The following RELA variants were observed in gnomAD, a reference collection of about 807,000 sequenced individuals.
RELA encodes the protein transcription factor p65.
RELA carries 14 observed loss-of-function variants against 56.7 expected under a neutral mutation model. The ratio of observed to expected loss-of-function variants is 0.25; its 90% CI spans 0.16 to 0.39. The LOEUF (loss-of-function observed/expected upper bound fraction) is 0.39, where lower values mean the gene tolerates loss of function less well. Among genes scored for constraint, RELA ranks in the 10% least tolerant of loss-of-function variants. The pLI is 1.00. For missense variants in RELA, 559 were observed against 736.4 expected (o/e 0.76, Z 2.79); for synonymous variants, 315 against 289.7 (o/e 1.09, Z -0.89).
rs1262374683 is a variant in RELA at position 65,659,656 on chromosome 11, C to T, written c.559+10G>A. On this transcript the variant is annotated intron_variant, in intron 6 of 10. Transcript: ENST00000406246. ...CCCTCTCCCCTTCCTGCGTCTCCCT[C>T]GCTACTCACGATTGTCAAAGATGGG... 9 of 1,613,316 alleles carry T rather than the reference C, an allele frequency of 5.6e-6. No individual in the cohort carries two copies. The highest frequency in any genetic ancestry group is 1.7e-4 in the Middle Eastern group (1 of 5,976).
Position 65,660,585 on chromosome 11 carries a change from T to C in RELA, c.336-370A>G, listed in dbSNP as rs1856539853. 1.2e-5 allele frequency: 3 copies of C among 245,040 alleles called. No individual in the cohort carries two copies. The South Asian group carries it at 1.8e-4, about 15-fold the overall frequency. 15.2% of individuals were successfully genotyped at this position (245,040 alleles called of 1,614,324 possible). ...ATTCAAGTCTTAGCTGAGGGAGGCC[T>C]TCCCTGACCTCCCAATCTAAAGTCA... On this transcript the variant is annotated intron_variant, in intron 4 of 10. Transcript: ENST00000406246.
In RELA at chr11:65,659,758, G is replaced by A; in HGVS notation, c.467C>T (p.Ala156Val). ...TGTCACCTGGAAGCAGAGCCGCACA[G>A]CATTCAGGTCGTAGTCCCCACGCTG... ...EEQRGDYDLNAVRLCFQVTVR... is the reference protein window; with the variant it reads ...EEQRGDYDLNVVRLCFQVTVR... The change falls in exon 6 of 11, where the codon GCT becomes GTT. Residue 156 changes from alanine (A) to valine (V), a missense_variant. Physicochemically the swap from Ala to Val is moderately conservative, Grantham distance 64. Around this residue, in one of 4 missense-constraint regions of RELA, gnomAD observed 149 missense variants for 256.0 expected, o/e 0.58. Transcript: ENST00000406246. The A allele has an allele frequency of 6.2e-7, 1 of 1,613,848 alleles. No individual in the cohort carries two copies. The highest frequency in any genetic ancestry group is 8.5e-7 in the Non-Finnish European group (1 of 1,179,980).
chr11:65,662,156 C>T (rs1057271722), intron 2 of RELA, 23 bp downstream of exon 2: 1 of 1,587,960 alleles, frequency 6.3e-7, no homozygotes, highest in Non-Finnish European at 8.5e-7. Flanking sequence ...AGCACCTCCC[C>T]GACCGCCGCG....
Position 65,654,540 on chromosome 11 carries a change from C to G in RELA, c.1494G>C (p.Glu498Asp). ...CCCCTGTCACTAGGCGAGTTATAGC[C>G]TCAGGGTACTCCATCAGCATGGGCT... Reference protein sequence around the residue: ...TTEPMLMEYPEAITRLVTGAQ... With the variant: ...TTEPMLMEYPDAITRLVTGAQ... Residue 498 changes from glutamate to aspartate, a missense_variant, in exon 11 of 11, where the codon GAG (glutamate) becomes GAC (aspartate). Around this residue, in one of 4 missense-constraint regions of RELA, gnomAD observed 365 missense variants for 387.5 expected, o/e 0.94. Transcript: ENST00000406246. 6.2e-7 allele frequency: 1 copy of G among 1,612,996 alleles called. No individual in the cohort carries two copies. Among genetic ancestry groups the G allele is most frequent in the Non-Finnish European group, 8.5e-7 (1 of 1,179,588 alleles).
At position 65,658,673 on chromosome 11, in the gene RELA, T is replaced by A; in HGVS notation, c.664+45A>T. 1.3e-6 allele frequency: 2 copies of A among 1,560,892 alleles called. No homozygotes were observed. Among genetic ancestry groups the A allele is most frequent in the Non-Finnish European group, 1.8e-6 (2 of 1,132,258 alleles). ...TGACACTCCACTTCTCTGCTCAGCT[T>A]CACCCCTTGCTCCCAAGAGCCCACC... On this transcript the variant is annotated intron_variant, in intron 7 of 10. Transcript: ENST00000406246. This position sits in a 1 kb window ranked among gnomAD's most constrained non-coding sequence, Gnocchi z 4.5.
In RELA at chr11:65,654,803, G is replaced by T; in HGVS notation, c.1231C>A (p.Pro411Thr). 6.5e-7 allele frequency: 1 copy of T among 1,530,640 alleles called. No homozygotes were observed. The highest frequency in any genetic ancestry group is 2.4e-5 in the East Asian group (1 of 41,578). The allele number at this position is 1,530,640 out of a possible 1,614,324, so 94.8% of individuals were successfully genotyped here. ...TGAGGAGGGCCTGGGGCTAGGACTG[G>T]GACAGGGGCTGGGGCCTGGGCCAGA... Reference protein sequence around the residue: ...SALAQAPAPVPVLAPGPPQAV... With the variant: ...SALAQAPAPVTVLAPGPPQAV... The change falls in exon 11 of 11, where the codon CCA becomes ACA. Residue 411 changes from proline (P) to threonine (T), a missense_variant. This residue lies in a region of RELA where 365 missense variants were observed against 387.5 expected (regional missense o/e 0.94). Transcript: ENST00000406246.
In RELA at chr11:65,654,711, C is replaced by T; in HGVS notation, c.1323G>A (p.Leu441=). The change falls in exon 11 of 11, where the codon CTG becomes CTA. Residue 441 remains leucine, a synonymous_variant. Coordinates refer to ENST00000406246, the MANE Select transcript of RELA (RefSeq NM_021975.4). ...GGTCTTCATCATCAAACTGCAGCTG[C>T]AGCAGGGCCTCTGACAGCGTTCCTT... The part of the protein sequence containing the change: ...AGEGTLSEAL[L]QLQFDDEDLG... The T allele has an allele frequency of 6.5e-7, 1 of 1,539,418 alleles. No individual in the cohort carries two copies. The highest frequency in any genetic ancestry group is 8.7e-7 in the Non-Finnish European group (1 of 1,144,646).
At chr11:65,662,475 G>A (rs1346769828) in intron 1 of RELA, 3 of 483,712 alleles carry the variant, frequency 6.2e-6, no homozygotes, top group African/African-American at 2.0e-5. Context: ...TTGAGGGAGG[G>A]CACGCCCCAC....
intron 8 of RELA, 41 bp from the exon 9 acceptor site, chr11:65,655,976 G>A (rs1565189089): frequency 5.1e-6 from 8 of 1,570,746 alleles, no homozygotes; most frequent in Non-Finnish European, 7.0e-6. Flanking sequence ...GCTCTCCTCA[G>A]GTGGGTCCCC....
rs1038170232 is a variant in RELA, at chr11:65,658,023, C to T, written c.877+264G>A. 6.6e-6 allele frequency among the ~76,000 whole-genome samples: 1 copy of T among 152,196 alleles called. No individual in the cohort carries two copies. Among genetic ancestry groups the T allele is most frequent in the Non-Finnish European group, 1.5e-5 (1 of 68,038 alleles). On this transcript the variant is annotated intron_variant, in intron 8 of 10. Transcript: ENST00000406246. This position sits in a 1 kb window ranked among gnomAD's most constrained non-coding sequence, Gnocchi z 4.5. ...GCCACGTGAACCCAGGCAAGTTGGA[C>T]ACTATCTCCTACTTCAAAAGGGTCA...
In RELA at chr11:65,654,381, G is replaced by C. The variant is rs78599884; in HGVS notation, c.1653C>G (p.Ser551=). The change falls in exon 11 of 11, where the codon TCC becomes TCG. Residue 551 remains serine, a synonymous_variant. Coordinates refer to ENST00000406246, the MANE Select transcript of RELA (RefSeq NM_021975.4). ...GGGGAGGGCAGGCGTCACCCCCTTA[G>C]GAGCTGATCTGACTCAGCAGGGCTG... ...DFSALLSQIS[S] The C allele has an allele frequency of 5.6e-6, 9 of 1,613,598 alleles. No homozygotes were observed. The highest frequency in any genetic ancestry group is 7.6e-6 in the Non-Finnish European group (9 of 1,179,796).
At chr11:65,663,778 G>A (rs1183466259), upstream of RELA, among the ~76,000 whole-genome samples, 2 of 149,768 alleles carry the variant, frequency 1.3e-5, no homozygotes, top group Admixed American at 6.7e-5. Flanking sequence ...AGCTAGGGCT[G>A]ACCACTAATT....
chr11:65,655,545 G>A, intron 10 of RELA, 143 bp downstream of exon 10: 1 of 742,620 alleles, frequency 1.3e-6, no homozygotes, highest in South Asian at 1.6e-5. Flanking sequence ...TAGCATCCCA[G>A]GAAGTCGCTG....
At chr11:65,660,019 C>G (rs1420639367) in intron 5 of RELA, 105 bp downstream of exon 5, 2 of 1,282,630 alleles carry the variant, frequency 1.6e-6, no homozygotes, top group Non-Finnish European at 2.3e-6. Flanking sequence ...GAATGGGCAC[C>G]AAGATTCCAG....
chr11:65,663,742 C>G (rs891422044), upstream of RELA, among the ~76,000 whole-genome samples: 3 of 151,954 alleles, frequency 2.0e-5, no homozygotes, highest in African/African-American at 7.3e-5. Context: ...CCCCCCTGCC[C>G]CCGCCTGTGT....
rs765821817 is a variant in RELA, at chr11:65,654,393, A to G, written c.1641T>C (p.Ser547=). 1.9e-6 allele frequency: 3 copies of G among 1,613,070 alleles called. No homozygotes were observed. Among genetic ancestry groups the G allele is most frequent in the Non-Finnish European group, 2.5e-6 (3 of 1,179,600 alleles). The change falls in exon 11 of 11, where the codon AGT becomes AGC. Residue 547 remains serine (S), a synonymous_variant. Coordinates refer to ENST00000406246, the MANE Select transcript of RELA (RefSeq NM_021975.4). The stretch of plus-strand genomic sequence containing the variant: ...CGTCACCCCCTTAGGAGCTGATCTG[A>G]CTCAGCAGGGCTGAGAAGTCCATGT... ...IADMDFSALL[S]QISS is the part of the protein sequence containing the mutation.
chr11:65,660,576 A>AG (rs1856539660), intron 4 of RELA: 1 of 256,092 alleles, frequency 3.9e-6, no homozygotes. Context: ...GTCTTAGCTG[A>AG]GGGAGGCCTT....
At chr11:65,662,333 G>A in intron 1 of RELA, 128 bp from the exon 2 acceptor site, 1 of 1,139,948 alleles carries the variant, frequency 8.8e-7, no homozygotes. Flanking sequence ...CTGCTCCCTA[G>A]AACCTGCGGT....
Position 65,655,756 on chromosome 11 carries a change from G to C in RELA, c.965C>G (p.Thr322Ser), listed in dbSNP as rs375929528. The change falls in exon 10 of 11, where the codon ACC becomes AGC. Residue 322 changes from threonine to serine, a missense_variant. By Grantham distance (58) the Thr-to-Ser change is moderately conservative. This residue lies in a region of RELA where 365 missense variants were observed against 387.5 expected (regional missense o/e 0.94). Coordinates refer to ENST00000406246, the MANE Select transcript of RELA (RefSeq NM_021975.4). The stretch of plus-strand genomic sequence containing the variant: ...GCGTCGAGGTGGAGGCCGGGGGTCG[G>C]TGGGTCCTGTAGGGCAAGGGCTAGG... ...IMKKSPFSGP[T>S]DPRPPPRRIA... 9 of 1,614,026 alleles carry C rather than the reference G, an allele frequency of 5.6e-6. No homozygotes were observed. In the Middle Eastern group the frequency reaches 4.9e-4, roughly 89 times the overall value.
Sources: allele counts gnomAD v4.1 joint callset (sites outside exome capture counted in the v4.1 genomes callset), GRCh38; gene constraint gnomAD v4.1.1; regional missense constraint gnomAD v4.1.1; non-coding constraint Gnocchi (gnomAD v3.1); transcripts MANE v1.5; gene names NCBI Gene and HGNC (gene_info 2026-07-23, HGNC 2026-07-21).